Variants in INTS9 observed in about 807,000 individuals in gnomAD.
INTS9 encodes the protein protein related to CPSF subunits of 74 kDa.
A neutral mutation model predicts 79.7 loss-of-function variants in INTS9; 55 were observed. The ratio of observed to expected loss-of-function variants is 0.69; its 90% confidence interval spans 0.56 to 0.86. The LOEUF (loss-of-function observed/expected upper bound fraction) is 0.86, where lower values mean the gene tolerates loss of function less well. Ranked by LOEUF, INTS9 falls within the 40% of genes least tolerant of loss-of-function variation. The pLI is 0.00. For synonymous variants in INTS9, 319 were observed against 325.2 expected (o/e 0.98, Z 0.20); for missense variants, 721 against 831.5 (o/e 0.87, Z 1.64).
rs73552944 is a variant in INTS9 at position 28,806,587 on chromosome 8, C to T, written c.744+5740G>A. On this transcript the variant is annotated intron_variant, in intron 8 of 16. Transcript: ENST00000521022. Reference sequence around the variant, plus strand: ...TGAATACACATTCTTTTCCAAGACACGTAGAACATTTACAAAAATAGATTG... The same window carrying T: ...TGAATACACATTCTTTTCCAAGACATGTAGAACATTTACAAAAATAGATTG... Among the ~76,000 whole-genome samples, 277 of 152,188 alleles carry T rather than the reference C, an allele frequency of 1.8e-3. 1 individual carries two copies. Among genetic ancestry groups the T allele is most frequent in the African/African-American group, 6.3e-3 (261 of 41,536 alleles).
At chr8:28,879,305 T>A (rs1285366932) in intron 1 of INTS9, among the ~76,000 whole-genome samples, 25 of 152,160 alleles carry the variant, frequency 1.6e-4, no homozygotes, top group Non-Finnish European at 4.4e-5. Flanking sequence ...TATATTAATA[T>A]AAAGACAAAA....
chr8:28,783,641 C>G (rs1452019472), intron 11 of INTS9: 3 of 152,146 alleles, frequency 2.0e-5, no homozygotes, highest in African/African-American at 4.8e-5. Flanking sequence ...ATTGAAGAGA[C>G]CTGGTTGTAT....
intron 4 of INTS9, among the ~76,000 whole-genome samples, chr8:28,843,584 T>G (rs1471531711): frequency 1.3e-5 from 2 of 152,222 alleles, no homozygotes; most frequent in African/African-American, 2.4e-5. Context: ...ATGCCTTTCT[T>G]ATAGTAGACT....
intron 16 of INTS9, among the ~76,000 whole-genome samples, chr8:28,768,677 A>G (rs146525133): frequency 6.6e-6 from 1 of 152,226 alleles, no homozygotes; most frequent in Admixed American, 6.5e-5. Flanking sequence ...GCTCCCAGGA[A>G]AATGCCAGGT....
chr8:28,776,125 C>T lies in INTS9; in HGVS notation c.1396-199G>A, dbSNP rs879607359. On this transcript the variant is annotated intron_variant, in intron 13 of 16. Coordinates refer to ENST00000521022, the MANE Select transcript of INTS9 (RefSeq NM_018250.4). ...AGGCACTGGGGCAGAAGAAACATCT[C>T]GGAAACCCCTAAACTGCCTCAGCTT... The T allele has an allele frequency of 5.3e-5, 24 of 456,674 alleles. No homozygotes were observed. The Admixed American group carries it at 6.9e-4, about 13-fold the overall frequency. 28.3% of individuals were successfully genotyped at this position (456,674 alleles called of 1,614,324 possible). A position where few individuals can be genotyped will look rare whatever the true frequency, so the allele number is the denominator to read the frequency against.
chr8:28,777,703 G>A lies in INTS9; in HGVS notation c.1395+126C>T, dbSNP rs1288300034. ...GGGCTGGCATGTGTCCCAGCATTCT[G>A]CAGATGCGTGAGAACTGAAGACAAG... On this transcript the variant is annotated intron_variant, in intron 13 of 16. Coordinates refer to ENST00000521022, the MANE Select transcript of INTS9 (RefSeq NM_018250.4). 8 of 1,086,792 alleles carry A rather than the reference G, an allele frequency of 7.4e-6. No homozygotes were observed. In the African/African-American group the frequency reaches 1.3e-4, roughly 18 times the overall value. 67.3% of individuals were successfully genotyped at this position (1,086,792 alleles called of 1,614,324 possible). A position where few individuals can be genotyped will look rare whatever the true frequency, so the allele number is the denominator to read the frequency against.
intron 6 of INTS9, among the ~76,000 whole-genome samples, chr8:28,819,315 CT>C (rs1805687355): frequency 1.3e-5 from 2 of 152,212 alleles, no homozygotes; most frequent in Admixed American, 6.5e-5. Context: ...CCTCTACACA[CT>C]GCTTTGAATG....
chr8:28,863,497 T>C (rs979418344), intron 1 of INTS9, among the ~76,000 whole-genome samples: 4 of 152,202 alleles, frequency 2.6e-5, no homozygotes, highest in Admixed American at 6.6e-5. Flanking sequence ...AAATGCAGCC[T>C]GGGCGTGGTA....
At chr8:28,804,072 T>C (rs1415359731) in intron 8 of INTS9, among the ~76,000 whole-genome samples, 3 of 152,066 alleles carry the variant, frequency 2.0e-5, no homozygotes, top group Admixed American at 1.3e-4. Context: ...CACAGGTATG[T>C]GCCACCACGC....
chr8:28,785,613 G>A (rs771219056), intron 11 of INTS9, among the ~76,000 whole-genome samples: 16 of 152,164 alleles, frequency 1.1e-4, no homozygotes, highest in Non-Finnish European at 1.6e-4. Flanking sequence ...GCCTCATCTT[G>A]TATTTTCCAA....
intron 1 of INTS9, among the ~76,000 whole-genome samples, chr8:28,883,287 T>C (rs973825195): frequency 7.2e-5 from 11 of 152,242 alleles, no homozygotes; most frequent in Admixed American, 3.3e-4. Flanking sequence ...AAGATTCTTA[T>C]GGCACCATAT....
intron 1 of INTS9, among the ~76,000 whole-genome samples, chr8:28,883,847 A>C (rs1490247556): frequency 6.6e-6 from 1 of 152,206 alleles, no homozygotes; most frequent in Non-Finnish European, 1.5e-5. Flanking sequence ...GGGTTGGTTT[A>C]TGCCTGGACC....
chr8:28,818,269 TATG>T (rs1239400623), intron 6 of INTS9, among the ~76,000 whole-genome samples: 4 of 148,510 alleles, frequency 2.7e-5, no homozygotes, highest in South Asian at 2.2e-4. Context: ...GCCCATTCAG[TATG>T]ATATTGGCTG....
chr8:28,859,603 A>G (rs1387214686), intron 1 of INTS9, 40 bp from the exon 2 acceptor site: 25 of 1,603,970 alleles, frequency 1.6e-5, no homozygotes, highest in Non-Finnish European at 2.0e-5. Context: ...AATCAATTAC[A>G]GAAGAATCCT....
chr8:28,767,850 G>A lies in INTS9; in HGVS notation c.*296C>T, dbSNP rs993958976. ...GCAAGACAGCCAGCCAGTCACCTCC[G>A]CCTCCCATGAACCTCTTGGAAAACT... On this transcript the variant is annotated 3_prime_UTR_variant, in exon 17 of 17. Transcript: ENST00000521022. 2.9e-5 allele frequency: 11 copies of A among 382,594 alleles called. No individual in the cohort carries two copies. The highest frequency in any genetic ancestry group is 2.4e-4 in the Admixed American group (6 of 24,672). The allele number at this position is 382,594 out of a possible 1,614,324, so 23.7% of individuals were successfully genotyped here. A position where few individuals can be genotyped will look rare whatever the true frequency, so the allele number is the denominator to read the frequency against.
At chr8:28,861,104 T>A (rs927434931) in intron 1 of INTS9, among the ~76,000 whole-genome samples, 2 of 152,226 alleles carry the variant, frequency 1.3e-5, no homozygotes, top group Non-Finnish European at 2.9e-5. Flanking sequence ...TGAAAAGATA[T>A]AAGGCACTTA....
At chr8:28,880,528 C>T (rs964715953) in intron 1 of INTS9, among the ~76,000 whole-genome samples, 2 of 151,760 alleles carry the variant, frequency 1.3e-5, no homozygotes, top group East Asian at 1.9e-4. Flanking sequence ...CCCGAGGTGC[C>T]GGGATTGCAG....
chr8:28,779,413 C>T (rs143330753), intron 12 of INTS9, among the ~76,000 whole-genome samples: 10 of 152,282 alleles, frequency 6.6e-5, no homozygotes, highest in South Asian at 6.2e-4. Flanking sequence ...GCTGTGTGAA[C>T]GCAACTTCCT....
chr8:28,889,713 C>T, intron 1 of INTS9, 161 bp downstream of exon 1: 3 of 710,810 alleles, frequency 4.2e-6, no homozygotes, highest in East Asian at 2.9e-5. Flanking sequence ...GAATTCAAAC[C>T]TTCTCAACAA....
Sources: gnomAD v4.1 joint callset for allele counts (sites outside exome capture counted in the v4.1 genomes callset) on GRCh38, gnomAD v4.1.1 for gene constraint, MANE v1.5 for transcripts, NCBI Gene and HGNC (gene_info 2026-07-23, HGNC 2026-07-21) for gene names.